The following GPNMB variants were observed in gnomAD, a reference collection of about 807,000 sequenced individuals.
GPNMB encodes glycoprotein nmb, also known as transmembrane glycoprotein NMB.
A neutral mutation model predicts 57.3 loss-of-function variants in GPNMB; 71 were observed. The ratio of observed to expected loss-of-function variants is 1.24; its 90% CI spans 1.02 to 1.51. GPNMB has a LOEUF of 1.51. Ranked by LOEUF, GPNMB falls within the 40% of genes most tolerant of loss-of-function variation. The pLI, the probability that GPNMB is intolerant of heterozygous loss-of-function variation, is 0.00. For synonymous variants in GPNMB, 253 were observed against 263.2 expected (o/e 0.96, Z 0.38); for missense variants, 677 against 691.9 (o/e 0.98, Z 0.24).
chr7:23,271,598 C>A (rs1769510381), intron 9 of GPNMB, among the ~76,000 whole-genome samples: 1 of 152,176 alleles, frequency 6.6e-6, no homozygotes, highest in Non-Finnish European at 1.5e-5. Flanking sequence ...GAGTTCCAGG[C>A]CAGCCTGGCC....
At chr7:23,248,778 T>G (rs1264682990) in intron 1 of GPNMB, among the ~76,000 whole-genome samples, 1 of 147,544 alleles carries the variant, frequency 6.8e-6, no homozygotes, top group African/African-American at 2.5e-5. Flanking sequence ...ACTATTGGGT[T>G]TTTTTTTTTT....
chr7:23,271,980 A>G (rs544301933), intron 9 of GPNMB, among the ~76,000 whole-genome samples: 5 of 152,312 alleles, frequency 3.3e-5, no homozygotes, highest in South Asian at 2.1e-4. Flanking sequence ...AGCAAAACCA[A>G]CGATGCAAGG....
At chr7:23,246,967 G>A (rs370923633) in intron 1 of GPNMB, 40 bp downstream of exon 1, 2 of 1,437,164 alleles carry the variant, frequency 1.4e-6, no homozygotes. Flanking sequence ...CCATTCTCTG[G>A]CCATTGGCTG....
At chr7:23,270,818 T>C (rs182300003) in intron 9 of GPNMB, among the ~76,000 whole-genome samples, 3 of 152,296 alleles carry the variant, frequency 2.0e-5, no homozygotes, top group Admixed American at 2.0e-4. Flanking sequence ...ATTTAGAAAT[T>C]TGCATTTACT....
chr7:23,272,846 CTT>C (rs34346503), intron 9 of GPNMB, among the ~76,000 whole-genome samples: 38 of 139,420 alleles, frequency 2.7e-4, no homozygotes, highest in Admixed American at 4.3e-4. Context: ...AGGTGGTGAT[CTT>C]TTTTTTTTTT....
chr7:23,262,211 G>A (rs576390738), intron 6 of GPNMB, among the ~76,000 whole-genome samples: 1 of 152,248 alleles, frequency 6.6e-6, no homozygotes, highest in East Asian at 1.9e-4. Flanking sequence ...CACTGATTTC[G>A]ATTATCTCAA....
At chr7:23,253,510 T>G in intron 2 of GPNMB, 51 bp downstream of exon 2, 1 of 1,489,952 alleles carries the variant, frequency 6.7e-7, no homozygotes. Context: ...CTTCAGTAAG[T>G]CTTGTAGATG....
Position 23,260,441 on chromosome 7 carries a change from G to A in GPNMB, c.701-15G>A. 2 of 1,583,346 alleles carry A rather than the reference G, an allele frequency of 1.3e-6. No individual in the cohort carries two copies. The highest frequency in any genetic ancestry group is 2.2e-5 in the East Asian group (1 of 44,564). On this transcript the variant is annotated splice_polypyrimidine_tract_variant and intron_variant, in intron 5 of 10. Transcript: ENST00000258733. ...ATCATGCATTCTTTATTTCTTTGGG[G>A]GATGTATCTTTTAGATCAGATTCCT...
chr7:23,259,996 A>G lies in GPNMB; in HGVS notation c.558A>G (p.Lys186=). 6.2e-7 allele frequency: 1 copy of G among 1,614,182 alleles called. No individual in the cohort carries two copies. Among genetic ancestry groups the G allele is most frequent in the Non-Finnish European group, 8.5e-7 (1 of 1,180,004 alleles). ...CTCCCAAAGGTCAGTATTTCCAGAA[A>G]TTGGGACGATGTTCAGTGAGAGTTT... ...VFHTLGQYFQ[K]LGRCSVRVSV... Residue 186 remains lysine, a synonymous_variant, in exon 5 of 11, where the codon AAA becomes AAG. Coordinates refer to ENST00000258733, the MANE Select transcript of GPNMB (RefSeq NM_002510.3).
intron 5 of GPNMB, 107 bp from the exon 6 acceptor site, chr7:23,260,348 TA>T: frequency 9.2e-7 from 1 of 1,090,450 alleles, no homozygotes. Flanking sequence ...AAAATAATGC[TA>T]AATTATCCCT....
chr7:23,273,643 C>T, intron 10 of GPNMB, 29 bp downstream of exon 10: 1 of 1,277,736 alleles, frequency 7.8e-7, no homozygotes, highest in Non-Finnish European at 1.1e-6. Flanking sequence ...CGCTTTATAT[C>T]ACTATAGTGT....
intron 1 of GPNMB, chr7:23,247,497 A>C (rs1454148661): frequency 1.3e-5 from 2 of 156,736 alleles, no homozygotes. Flanking sequence ...CCACGCAATG[A>C]AACCGGAATC....
At chr7:23,256,441 A>G (rs1040052260) in intron 3 of GPNMB, among the ~76,000 whole-genome samples, 6 of 152,216 alleles carry the variant, frequency 3.9e-5, no homozygotes, top group Non-Finnish European at 1.5e-5. Context: ...TTGGGGTGAT[A>G]ATGGTGTCAG....
intron 8 of GPNMB, among the ~76,000 whole-genome samples, chr7:23,268,436 G>A (rs949453875): frequency 6.6e-6 from 1 of 152,140 alleles, no homozygotes; most frequent in African/African-American, 2.4e-5. Context: ...AGTTGTCTAT[G>A]CTAACATTAA....
intron 1 of GPNMB, chr7:23,247,770 GTC>G (rs1782567519): frequency 1.3e-5 from 2 of 152,260 alleles, no homozygotes. Context: ...CTAACCCTCA[GTC>G]TCCCGACTGC....
At chr7:23,253,537 C>A in intron 2 of GPNMB, 78 bp downstream of exon 2, 1 of 1,192,144 alleles carries the variant, frequency 8.4e-7, no homozygotes, top group South Asian at 1.4e-5. Context: ...CCTTTTAGAT[C>A]ACACGGCTCA....
rs1463730989 is a variant in GPNMB, at chr7:23,260,145, G to T, written c.700+7G>T. ...GATGTGTACGTGGTAACAGGTGAGT[G>T]GTGTGAACTCTAACTGAGGATGAGG... On this transcript the variant is annotated splice_region_variant and intron_variant, in intron 5 of 10. Coordinates refer to ENST00000258733, the MANE Select transcript of GPNMB (RefSeq NM_002510.3). The T allele has an allele frequency of 3.7e-6, 6 of 1,613,320 alleles. No individual in the cohort carries two copies. In the African/African-American group the frequency reaches 5.3e-5, roughly 14 times the overall value.
intron 2 of GPNMB, 48 bp downstream of exon 2, chr7:23,253,507 A>G (rs368200780): frequency 1.0e-5 from 16 of 1,528,460 alleles, no homozygotes; most frequent in Non-Finnish European, 1.4e-5. Context: ...CTACTTCAGT[A>G]AGTCTTGTAG....
chr7:23,254,396 G>T, intron 3 of GPNMB, 84 bp downstream of exon 3: 1 of 1,109,726 alleles, frequency 9.0e-7, no homozygotes. Context: ...AGTGCCAGAT[G>T]CTGATCTCAT....
Sources: allele counts gnomAD v4.1 joint callset (sites outside exome capture counted in the v4.1 genomes callset), GRCh38; gene constraint gnomAD v4.1.1; transcripts MANE v1.5; gene names NCBI Gene and HGNC (gene_info 2026-07-23, HGNC 2026-07-21).